GLYATL2: variants seen among roughly 807,000 people sequenced by gnomAD.
GLYATL2 encodes the protein glycine-N-acyltransferase like 2.
GLYATL2 carries 25 observed loss-of-function variants against 21.4 expected under a neutral mutation model. The ratio of observed to expected loss-of-function variants is 1.17; its 90% CI spans 0.85 to 1.63. GLYATL2 has a LOEUF of 1.63. Among genes scored for constraint, GLYATL2 ranks in the 40% most tolerant of loss-of-function variants. The pLI is 0.00. For synonymous variants in GLYATL2, 114 were observed against 118.2 expected (o/e 0.96, Z 0.23); for missense variants, 361 against 343.3 (o/e 1.05, Z -0.41).
chr11:58,856,679 A>G (rs185961735), intron 1 of GLYATL2, among the ~76,000 whole-genome samples: 6 of 152,322 alleles, frequency 3.9e-5, no homozygotes, highest in Non-Finnish European at 7.4e-5. Context: ...GGGAACGGTC[A>G]TTAGGTGAGG....
Position 58,876,307 on chromosome 11 carries a change from G to A in GLYATL2, n.60+27849C>T, listed in dbSNP as rs148009662. On this transcript the variant is annotated intron_variant and non_coding_transcript_variant, in intron 1 of 4. Coordinates refer to the GLYATL2 transcript ENST00000533636. Reference sequence around the variant, plus strand: ...TCTCAACTCATCAAAGTCATTCTCCGTCCAGCTTTGTCCCATTGCTGGTGA... The same window carrying A: ...TCTCAACTCATCAAAGTCATTCTCCATCCAGCTTTGTCCCATTGCTGGTGA... Among the ~76,000 whole-genome samples the A allele has an allele frequency of 5.8e-3, 882 of 152,222 alleles. 9 individuals are homozygous for A. Among genetic ancestry groups the A allele is most frequent in the African/African-American group, 0.019 (790 of 41,520 alleles).
chr11:58,899,113 G>A (rs1228314989), intron 1 of GLYATL2, among the ~76,000 whole-genome samples: 1 of 152,148 alleles, frequency 6.6e-6, no homozygotes, highest in Non-Finnish European at 1.5e-5. Context: ...CTTCATTCAA[G>A]GTCACAAAGC....
rs1378668011 is a variant in GLYATL2 at position 58,870,476 on chromosome 11, AG to A, written n.61-32109del. On this transcript the variant is annotated intron_variant and non_coding_transcript_variant, in intron 1 of 4. Coordinates refer to the GLYATL2 transcript ENST00000533636. The stretch of plus-strand genomic sequence containing the variant: ...GGAGTTATTGCAGGAGTTGCACAAA[AG>A]AATGACAAAATCTAGCTTTTCTTTT... Among the ~76,000 whole-genome samples, 4 of 152,338 alleles carry A rather than the reference AG, an allele frequency of 2.6e-5. No homozygotes were observed. The East Asian group carries it at 7.7e-4, about 29-fold the overall frequency.
At chr11:58,854,680 G>T (rs1853797838) in intron 1 of GLYATL2, among the ~76,000 whole-genome samples, 1 of 27,160 alleles carries the variant, frequency 3.7e-5, no homozygotes, top group African/African-American at 5.3e-5. Flanking sequence ...TTTCAGAAAA[G>T]ATTTGTCTGA....
intron 1 of GLYATL2, among the ~76,000 whole-genome samples, chr11:58,843,286 A>G (rs1365668207): frequency 1.3e-5 from 2 of 152,218 alleles, no homozygotes; most frequent in South Asian, 2.1e-4. Flanking sequence ...GGAGTATGCC[A>G]AGAAAGTGTC....
intron 1 of GLYATL2, among the ~76,000 whole-genome samples, chr11:58,875,111 C>A (rs1439966543): frequency 6.6e-6 from 1 of 152,148 alleles, no homozygotes; most frequent in Non-Finnish European, 1.5e-5. Flanking sequence ...AGGATTACAA[C>A]CCTTGCCTTT....
At chr11:58,870,099 C>A (rs1854091269) in intron 1 of GLYATL2, among the ~76,000 whole-genome samples, 2 of 151,538 alleles carry the variant, frequency 1.3e-5, no homozygotes, top group East Asian at 1.9e-4. Flanking sequence ...CAGAGGGAGA[C>A]CCTGTAAAAA....
intron 1 of GLYATL2, among the ~76,000 whole-genome samples, chr11:58,870,758 T>C (rs1590736069): frequency 6.6e-6 from 1 of 152,234 alleles, no homozygotes; most frequent in Non-Finnish European, 1.5e-5. Flanking sequence ...GGCAGATTAA[T>C]GTTGCATATG....
At chr11:58,896,359 C>A (rs555151816) in intron 1 of GLYATL2, among the ~76,000 whole-genome samples, 1 of 152,184 alleles carries the variant, frequency 6.6e-6, no homozygotes. Context: ...AACCGCAACT[C>A]GCCCCAAACC....
chr11:58,839,692 T>C (rs1853510024), intron 1 of GLYATL2, 40 bp from the exon 2 acceptor site: 9 of 924,014 alleles, frequency 9.7e-6, no homozygotes, highest in Non-Finnish European at 1.5e-5. Context: ...CCTAGAGAGA[T>C]ATGATAGGTG....
chr11:58,868,018 G>A lies in GLYATL2; in HGVS notation n.61-29650C>T, dbSNP rs150279492. Among the ~76,000 whole-genome samples the A allele has an allele frequency of 1.5e-3, 228 of 148,740 alleles. 16 individuals are homozygous for A. Among genetic ancestry groups the A allele is most frequent in the Admixed American group, 5.8e-3 (83 of 14,394 alleles). On this transcript the variant is annotated intron_variant and non_coding_transcript_variant, in intron 1 of 4. Transcript: ENST00000533636. ...AAGCCTGATGCAAAGGAGTCTCCTC[G>A]GGAACTGAAGTGGTCTAAGAAACTG...
chr11:58,859,448 G>T (rs954825622), intron 1 of GLYATL2, among the ~76,000 whole-genome samples: 40 of 151,990 alleles, frequency 2.6e-4, no homozygotes, highest in African/African-American at 9.2e-4. Context: ...TCTATTCAGG[G>T]CCTTTGCCCA....
At chr11:58,862,104 C>A (rs1333419968) in intron 1 of GLYATL2, among the ~76,000 whole-genome samples, 2 of 152,098 alleles carry the variant, frequency 1.3e-5, no homozygotes, top group Non-Finnish European at 2.9e-5. Flanking sequence ...TTGGTTGACA[C>A]TGTTTTTGTA....
chr11:58,883,761 C>T (rs1854386589), intron 1 of GLYATL2, among the ~76,000 whole-genome samples: 1 of 152,104 alleles, frequency 6.6e-6, no homozygotes, highest in South Asian at 2.1e-4. Context: ...AGAGACACAA[C>T]AAAGAAAGAG....
At chr11:58,864,238 G>T (rs1326825847) in intron 1 of GLYATL2, among the ~76,000 whole-genome samples, 1 of 152,180 alleles carries the variant, frequency 6.6e-6, no homozygotes, top group African/African-American at 2.4e-5. Flanking sequence ...TTGTTCTGGG[G>T]CTGGTCTGAA....
intron 2 of GLYATL2, among the ~76,000 whole-genome samples, 158 bp from the exon 3 acceptor site, chr11:58,838,526 A>G (rs1182531052): frequency 6.6e-6 from 1 of 152,184 alleles, no homozygotes; most frequent in Non-Finnish European, 1.5e-5. Flanking sequence ...TGGGCTACTC[A>G]TTGAGAGTTA....
intron 5 of GLYATL2, among the ~76,000 whole-genome samples, chr11:58,835,560 T>A (rs2094305288): frequency 6.6e-6 from 1 of 152,170 alleles, no homozygotes; most frequent in African/African-American, 2.4e-5. Context: ...GTTTAGCCCC[T>A]CTCCAGGGAG....
upstream of GLYATL2, among the ~76,000 whole-genome samples, chr11:58,845,200 C>T (rs765402709): frequency 2.6e-5 from 4 of 152,182 alleles, no homozygotes; most frequent in Non-Finnish European, 4.4e-5. Flanking sequence ...AAATCAGAGG[C>T]TCCCAGAGTG....
chr11:58,847,286 G>A (rs75597539), upstream of GLYATL2, among the ~76,000 whole-genome samples: 952 of 152,270 alleles, frequency 6.3e-3, 22 homozygotes, highest in Admixed American at 0.052. Flanking sequence ...GCAGCTCTGG[G>A]GCAAGATTCC....
Sources: allele counts gnomAD v4.1 joint callset (sites outside exome capture counted in the v4.1 genomes callset), GRCh38; gene constraint gnomAD v4.1.1; transcripts MANE v1.5; gene names NCBI Gene and HGNC (gene_info 2026-07-23, HGNC 2026-07-21).